Variants in VMAC observed in about 807,000 individuals in gnomAD.
The protein encoded by VMAC is vimentin type intermediate filament associated coiled-coil protein, also known as vimentin-type intermediate filament-associated coiled-coil protein.
VMAC carries 8 observed loss-of-function variants against 4.8 expected under a neutral mutation model. The ratio of observed to expected loss-of-function variants is 1.68; its 90% CI spans 0.99 to 3.03. The LOEUF (loss-of-function observed/expected upper bound fraction) is 3.03, where lower values mean the gene tolerates loss of function less well. Ranked by LOEUF, VMAC falls within the 30% of genes most tolerant of loss-of-function variation. The pLI, the probability that VMAC is intolerant of heterozygous loss-of-function variation, is 0.00. For synonymous variants in VMAC, 96 were observed against 113.7 expected (o/e 0.84, Z 0.99); for missense variants, 248 against 245.1 (o/e 1.01, Z -0.08).
chr19:5,906,063 C>T (rs2057678001), intron 1 of VMAC, among the ~76,000 whole-genome samples: 1 of 152,012 alleles, frequency 6.6e-6, no homozygotes, highest in African/African-American at 2.4e-5. Context: ...CGACTCACTG[C>T]AGTCTCACCC....
chr19:5,907,770 A>G (rs1452339282), intron 1 of VMAC, among the ~76,000 whole-genome samples: 1 of 151,848 alleles, frequency 6.6e-6, no homozygotes, highest in Non-Finnish European at 1.5e-5. Context: ...TGGATGACAG[A>G]GCTAGATTCC....
At chr19:5,905,682 A>G (rs1011232174) in intron 1 of VMAC, among the ~76,000 whole-genome samples, 2 of 151,906 alleles carry the variant, frequency 1.3e-5, no homozygotes, top group Non-Finnish European at 2.9e-5. Context: ...CAGCCTCCTA[A>G]AAGTGCTGGG....
Position 5,909,362 on chromosome 19 carries a change from AGT to A in VMAC, c.*221_*222del. The A allele has an allele frequency of 1.9e-6, 1 of 515,792 alleles. No homozygotes were observed. The highest frequency in any genetic ancestry group is 3.3e-6 in the Non-Finnish European group (1 of 301,576). 32.0% of individuals were successfully genotyped at this position (515,792 alleles called of 1,614,324 possible). A position where few individuals can be genotyped will look rare whatever the true frequency, so the allele number is the denominator to read the frequency against. On this transcript the variant is annotated 3_prime_UTR_variant, in exon 2 of 2. Coordinates refer to ENST00000339485, the MANE Select transcript of VMAC (RefSeq NM_001017921.4). The stretch of plus-strand genomic sequence containing the variant: ...CTTGTTTGTTTTTAAGCTTTGAATC[AGT>A]CACCCTTGCTAAAAACCTGGCAATG...
At chr19:5,905,987 CCTAT>C (rs1332282920) in intron 1 of VMAC, among the ~76,000 whole-genome samples, 7 of 151,404 alleles carry the variant, frequency 4.6e-5, no homozygotes, top group African/African-American at 1.7e-4. Flanking sequence ...AGCCACCATG[CCTAT>C]CTATTATTTT....
In VMAC at chr19:5,908,962, C is replaced by T. The variant is rs2057688570; in HGVS notation, c.330C>T (p.Arg110=). Residue 110 remains arginine (R), a synonymous_variant, in exon 2 of 2, where the codon CGC becomes CGT. Transcript: ENST00000339485. This position sits in a 1 kb window ranked among gnomAD's most constrained non-coding sequence, Gnocchi z 4.5. ...RAELLQDICR[R]RPPLAGLLDA... is the part of the protein sequence containing the mutation. ...AGCTGCTGCAGGACATCTGCCGCCGCCGGCCACCCCTGGCTGGGCTGCTGG... is the reference window on the plus strand; with the variant it reads ...AGCTGCTGCAGGACATCTGCCGCCGTCGGCCACCCCTGGCTGGGCTGCTGG... 6.2e-7 allele frequency: 1 copy of T among 1,612,708 alleles called. No individual in the cohort carries two copies. The highest frequency in any genetic ancestry group is 8.5e-7 in the Non-Finnish European group (1 of 1,179,560).
Position 5,904,931 on chromosome 19 carries a change from C to T in VMAC, c.41C>T (p.Ala14Val), listed in dbSNP as rs769507331. ...GCCCTGCAGATCCGGGAGGCAAACG[C>T]ACACCTGGCAGCCGTGCACCGGCGC... is the stretch of plus-strand genomic sequence containing the variant. The part of the protein sequence containing the change: ...PPALQIREAN[A>V]HLAAVHRRAA... Residue 14 changes from alanine (A) to valine (V), a missense_variant, in exon 1 of 2, where the codon GCA becomes GTA. Physicochemically the swap from Ala to Val is moderately conservative, Grantham distance 64. Transcript: ENST00000339485. 334 of 1,491,026 alleles carry T rather than the reference C, an allele frequency of 2.2e-4. No homozygotes were observed. Among genetic ancestry groups the T allele is most frequent in the Non-Finnish European group, 2.8e-4 (317 of 1,130,904 alleles). 92.4% of individuals were successfully genotyped at this position (1,491,026 alleles called of 1,614,324 possible). A position where few individuals can be genotyped will look rare whatever the true frequency, so the allele number is the denominator to read the frequency against.
In VMAC at chr19:5,909,032, G is replaced by A. The variant is rs774112214; in HGVS notation, c.400G>A (p.Asp134Asn). 26 of 1,578,408 alleles carry A rather than the reference G, an allele frequency of 1.6e-5. No homozygotes were observed. The highest frequency in any genetic ancestry group is 4.5e-5 in the South Asian group (4 of 88,154). ...GCGCCTGGGGCCCCTGCCGGCCAGT[G>A]ACCCCGGCCACCCACCCCCCGGTGG... is the stretch of plus-strand genomic sequence containing the variant. ...AERLGPLPAS[D>N]PGHPPPGGPG... The change falls in exon 2 of 2, where the codon GAC becomes AAC. Residue 134 changes from aspartate to asparagine, a missense_variant. Physicochemically the swap from Asp to Asn is conservative, Grantham distance 23. Coordinates refer to ENST00000339485, the MANE Select transcript of VMAC (RefSeq NM_001017921.4).
In VMAC at chr19:5,905,091, G is replaced by T; in HGVS notation, c.191+10G>T. 1 of 1,339,880 alleles carries T rather than the reference G, an allele frequency of 7.5e-7. No individual in the cohort carries two copies. Among genetic ancestry groups the T allele is most frequent in the South Asian group, 1.9e-5 (1 of 52,820 alleles). The allele number at this position is 1,339,880 out of a possible 1,614,324, so 83.0% of individuals were successfully genotyped here. A position where few individuals can be genotyped will look rare whatever the true frequency, so the allele number is the denominator to read the frequency against. ...GTCGCGCCAAGGACCGGTGAGGCCC[G>T]GGGCCGGCCAGGTGGACTTCACCGA... On this transcript the variant is annotated intron_variant, in intron 1 of 1. Coordinates refer to ENST00000339485, the MANE Select transcript of VMAC (RefSeq NM_001017921.4).
At position 5,909,477 on chromosome 19, in the gene VMAC, G is replaced by GT. The variant is rs2057690530; in HGVS notation, c.*341dup. On this transcript the variant is annotated 3_prime_UTR_variant, in exon 2 of 2. Transcript: ENST00000339485. ...CTCTTTAGCCAGGGTGTGAGTTTCT[G>GT]TTTTTTGTTTTTTTTTTTTTAAGAC... 2.2e-5 allele frequency: 4 copies of GT among 181,416 alleles called. No individual in the cohort carries two copies. Among genetic ancestry groups the GT allele is most frequent in the East Asian group, 1.4e-4 (1 of 7,228 alleles). 11.2% of individuals were successfully genotyped at this position (181,416 alleles called of 1,614,324 possible). A position where few individuals can be genotyped will look rare whatever the true frequency, so the allele number is the denominator to read the frequency against.
chr19:5,909,014 G>T lies in VMAC; in HGVS notation c.382G>T (p.Gly128Trp). 6.3e-7 allele frequency: 1 copy of T among 1,593,512 alleles called. No individual in the cohort carries two copies. ...LDALAEAERL[G>W]PLPASDPGHP... ...TGCCCTGGCTGAGGCTGAGCGCCTG[G>T]GGCCCCTGCCGGCCAGTGACCCCGG... The change falls in exon 2 of 2, where the codon GGG (glycine) becomes TGG (tryptophan). Residue 128 changes from glycine to tryptophan, a missense_variant. Transcript: ENST00000339485.
Position 5,904,919 on chromosome 19 carries a change from G to T in VMAC, c.29G>T (p.Arg10Leu), listed in dbSNP as rs781637600. The change falls in exon 1 of 2, where the codon CGG (arginine) becomes CTG (leucine). Residue 10 changes from arginine (R) to leucine (L), a missense_variant. By Grantham distance (102) the Arg-to-Leu change is moderately radical. Transcript: ENST00000339485. ...TCGGCGCCGCCGGCCCTGCAGATCC[G>T]GGAGGCAAACGCACACCTGGCAGCC... MSAPPALQI[R>L]EANAHLAAVH... 1.3e-6 allele frequency: 2 copies of T among 1,490,538 alleles called. No homozygotes were observed. The highest frequency in any genetic ancestry group is 8.8e-7 in the Non-Finnish European group (1 of 1,130,758). 92.3% of individuals were successfully genotyped at this position (1,490,538 alleles called of 1,614,324 possible).
At chr19:5,906,614 G>A (rs1213013660) in intron 1 of VMAC, among the ~76,000 whole-genome samples, 1 of 152,176 alleles carries the variant, frequency 6.6e-6, no homozygotes, top group East Asian at 1.9e-4. Flanking sequence ...GGGCTCTGAG[G>A]GATCTCAGAG....
chr19:5,907,499 G>A (rs1363746614), intron 1 of VMAC, among the ~76,000 whole-genome samples: 1 of 151,204 alleles, frequency 6.6e-6, no homozygotes, highest in Non-Finnish European at 1.5e-5. Flanking sequence ...ATGGCTGGGC[G>A]CAATGGCTCA....
rs1031608344 is a variant in VMAC at position 5,908,421 on chromosome 19, C to T, written c.192-403C>T. Reference sequence around the variant, plus strand: ...CACGTGGTCAGGAGTTCGAGACCAGCCTGGCCAGCATGGTGAAACCCCATC... The same window carrying T: ...CACGTGGTCAGGAGTTCGAGACCAGTCTGGCCAGCATGGTGAAACCCCATC... On this transcript the variant is annotated intron_variant, in intron 1 of 1. Transcript: ENST00000339485. This position sits in a 1 kb window ranked among gnomAD's most constrained non-coding sequence, Gnocchi z 4.5. Among the ~76,000 whole-genome samples, 1 of 152,070 alleles carries T rather than the reference C, an allele frequency of 6.6e-6. No individual in the cohort carries two copies. Among genetic ancestry groups the T allele is most frequent in the African/African-American group, 2.4e-5 (1 of 41,414 alleles).
chr19:5,905,841 T>A (rs905387325), intron 1 of VMAC, among the ~76,000 whole-genome samples: 1 of 151,876 alleles, frequency 6.6e-6, no homozygotes, highest in Admixed American at 6.6e-5. Flanking sequence ...ACTACAGGCG[T>A]CCACCACCAC....
Position 5,909,022 on chromosome 19 carries a change from GCCGGCCAGTGACC to G in VMAC, c.398_410del (p.Ser133ThrfsTer84). ...CTGAGGCTGAGCGCCTGGGGCCCCT[GCCGGCCAGTGACC>G]CCGGCCACCCACCCCCCGGTGGGCC... On this transcript the variant is annotated frameshift_variant, in exon 2 of 2. Coordinates refer to ENST00000339485, the MANE Select transcript of VMAC (RefSeq NM_001017921.4). LOFTEE classifies it low-confidence loss of function (END_TRUNC). 1 of 1,586,072 alleles carries G rather than the reference GCCGGCCAGTGACC, an allele frequency of 6.3e-7. No homozygotes were observed. Among genetic ancestry groups the G allele is most frequent in the Non-Finnish European group, 8.6e-7 (1 of 1,167,282 alleles).
Position 5,909,968 on chromosome 19 carries a change from G to C in VMAC, c.*826G>C, listed in dbSNP as rs532442622. 4 of 150,430 alleles carry C rather than the reference G, an allele frequency of 2.7e-5. No individual in the cohort carries two copies. The highest frequency in any genetic ancestry group is 4.4e-5 in the Non-Finnish European group (3 of 67,788). 9.3% of individuals were successfully genotyped at this position (150,430 alleles called of 1,614,324 possible). On this transcript the variant is annotated 3_prime_UTR_variant, in exon 2 of 2. Transcript: ENST00000339485. ...CCTTTCTGGGCCAGCCTGTCACCCTGGCCTGGTCGGCAGCCATTCCCCTAC... is the reference window on the plus strand; with the variant it reads ...CCTTTCTGGGCCAGCCTGTCACCCTCGCCTGGTCGGCAGCCATTCCCCTAC...
Position 5,910,845 on chromosome 19 carries a change from C to T in VMAC, c.*1703C>T, listed in dbSNP as rs1423612322. On this transcript the variant is annotated 3_prime_UTR_variant, in exon 2 of 2. Coordinates refer to ENST00000339485, the MANE Select transcript of VMAC (RefSeq NM_001017921.4). The stretch of plus-strand genomic sequence containing the variant: ...TCTTTTTTTTTTAAAGAGACAAAGT[C>T]TCACTGTTGCCCAGGCTGGAGTGCA... The T allele has an allele frequency of 1.5e-5, 2 of 134,858 alleles. No individual in the cohort carries two copies. Among genetic ancestry groups the T allele is most frequent in the Non-Finnish European group, 3.3e-5 (2 of 60,022 alleles). 8.4% of individuals were successfully genotyped at this position (134,858 alleles called of 1,614,324 possible). A position where few individuals can be genotyped will look rare whatever the true frequency, so the allele number is the denominator to read the frequency against.
At position 5,904,904 on chromosome 19, in the gene VMAC, C is replaced by G. The variant is rs374909914; in HGVS notation, c.14C>G (p.Pro5Arg). ...GCAGCCTGGGCCATGTCGGCGCCGC[C>G]GGCCCTGCAGATCCGGGAGGCAAAC... MSAP[P>R]ALQIREANAH... The change falls in exon 1 of 2, where the codon CCG (proline) becomes CGG (arginine). Residue 5 changes from proline (P) to arginine (R), a missense_variant. Coordinates refer to ENST00000339485, the MANE Select transcript of VMAC (RefSeq NM_001017921.4). 5.5e-5 allele frequency: 81 copies of G among 1,482,952 alleles called. 2 individuals carry two copies. Among genetic ancestry groups the G allele is most frequent in the Middle Eastern group, 2.4e-4 (1 of 4,214 alleles). 91.9% of individuals were successfully genotyped at this position (1,482,952 alleles called of 1,614,324 possible).
Sources: gnomAD v4.1 joint callset for allele counts (sites outside exome capture counted in the v4.1 genomes callset) on GRCh38, gnomAD v4.1.1 for gene constraint, Gnocchi (gnomAD v3.1) non-coding constraint, MANE v1.5 for transcripts, NCBI Gene and HGNC (gene_info 2026-07-23, HGNC 2026-07-21) for gene names.